LRRTM4: variants seen among roughly 807,000 people sequenced by gnomAD.
LRRTM4 encodes leucine-rich repeat transmembrane neuronal protein 4.
A neutral mutation model predicts 47.6 loss-of-function variants in LRRTM4; 25 were observed. The ratio of observed to expected loss-of-function variants is 0.53; its 90% CI spans 0.38 to 0.73. The LOEUF (loss-of-function observed/expected upper bound fraction) is 0.73, where lower values mean the gene tolerates loss of function less well. Ranked by LOEUF, LRRTM4 falls within the 30% of genes least tolerant of loss-of-function variation. The pLI is 0.00. For synonymous variants in LRRTM4, 311 were observed against 269.5 expected (o/e 1.15, Z -1.51); for missense variants, 638 against 713.4 (o/e 0.89, Z 1.20).
At chr2:76,780,949 C>A (rs866423555) in intron 3 of LRRTM4, among the ~76,000 whole-genome samples, 1 of 152,170 alleles carries the variant, frequency 6.6e-6, no homozygotes, top group East Asian at 1.9e-4. Context: ...GTGTGGATGT[C>A]CTTTCTGTTT....
chr2:77,090,156 G>A (rs1430477550), intron 3 of LRRTM4, among the ~76,000 whole-genome samples: 7 of 152,054 alleles, frequency 4.6e-5, no homozygotes, highest in African/African-American at 1.4e-4. Flanking sequence ...ACCTGGTCTG[G>A]CTTACAGTTT....
chr2:77,008,780 A>C (rs1558794663), intron 3 of LRRTM4, among the ~76,000 whole-genome samples: 4 of 152,194 alleles, frequency 2.6e-5, no homozygotes, highest in Admixed American at 2.0e-4. Flanking sequence ...ATTGTTTTCT[A>C]GGCCTGAAGG....
chr2:77,299,089 T>C (rs867136310), intron 3 of LRRTM4, among the ~76,000 whole-genome samples: 2 of 152,254 alleles, frequency 1.3e-5, no homozygotes, highest in East Asian at 3.9e-4. Flanking sequence ...GGGAGATTCC[T>C]TTCTGACCAA....
rs139925022 is a variant in LRRTM4 at position 77,431,978 on chromosome 2, G to A, written c.1551+86340C>T. Among the ~76,000 whole-genome samples the A allele has an allele frequency of 4.8e-3, 724 of 152,260 alleles. 4 individuals are homozygous for A. Among genetic ancestry groups the A allele is most frequent in the African/African-American group, 0.017 (688 of 41,534 alleles). On this transcript the variant is annotated intron_variant, in intron 3 of 3. Transcript: ENST00000409884. ...AGTCCCAGCTACTTGGGAGGCTGAAGCAGGAGAATCACTTGAACCTGGGAG... is the reference window on the plus strand; with the variant it reads ...AGTCCCAGCTACTTGGGAGGCTGAAACAGGAGAATCACTTGAACCTGGGAG...
chr2:76,885,422 G>A (rs1673042414), intron 3 of LRRTM4, among the ~76,000 whole-genome samples: 1 of 150,384 alleles, frequency 6.6e-6, no homozygotes, highest in African/African-American at 2.4e-5. Context: ...CAGGATTTGA[G>A]ATGACTGGTA....
At chr2:76,966,083 G>C (rs1676013975) in intron 3 of LRRTM4, among the ~76,000 whole-genome samples, 2 of 151,498 alleles carry the variant, frequency 1.3e-5, no homozygotes. Flanking sequence ...TCTATACTAG[G>C]ATAGACAAAG....
intron 3 of LRRTM4, among the ~76,000 whole-genome samples, chr2:77,346,132 C>T (rs770777027): frequency 5.9e-5 from 9 of 151,824 alleles, no homozygotes; most frequent in Admixed American, 1.3e-4. Context: ...TGTATGATTC[C>T]GTTATATGGC....
intron 3 of LRRTM4, among the ~76,000 whole-genome samples, chr2:77,448,509 T>C (rs1676138824): frequency 6.6e-6 from 1 of 152,214 alleles, no homozygotes; most frequent in Non-Finnish European, 1.5e-5. Flanking sequence ...AGTATCTTCA[T>C]TCATCTCTGC....
intron 3 of LRRTM4, among the ~76,000 whole-genome samples, chr2:76,812,859 A>G (rs946537697): frequency 2.0e-4 from 28 of 138,770 alleles, no homozygotes; most frequent in African/African-American, 7.5e-4. Context: ...AGTAAAGATG[A>G]TATTAATATT....
intron 3 of LRRTM4, among the ~76,000 whole-genome samples, chr2:76,898,770 T>A (rs1389978134): frequency 6.6e-6 from 1 of 151,176 alleles, no homozygotes. Flanking sequence ...AGAAGATATA[T>A]AAAATATAGT....
intron 3 of LRRTM4, among the ~76,000 whole-genome samples, chr2:77,355,264 AGT>A (rs1184145179): frequency 6.6e-6 from 1 of 152,174 alleles, no homozygotes; most frequent in East Asian, 1.9e-4. Context: ...AACAATTGAC[AGT>A]GTGTTTTTGA....
chr2:77,051,577 ATG>A (rs1418922366), intron 3 of LRRTM4, among the ~76,000 whole-genome samples: 2 of 152,152 alleles, frequency 1.3e-5, no homozygotes, highest in African/African-American at 2.4e-5. Flanking sequence ...ATCACTAGCC[ATG>A]TGTGTGAGTG....
At chr2:77,131,650 G>A (rs1048108264) in intron 3 of LRRTM4, among the ~76,000 whole-genome samples, 1 of 152,020 alleles carries the variant, frequency 6.6e-6, no homozygotes, top group African/African-American at 2.4e-5. Flanking sequence ...GGCTACTCTG[G>A]GGCTTTACAC....
At chr2:77,243,298 T>C (rs902123680) in intron 3 of LRRTM4, among the ~76,000 whole-genome samples, 8 of 151,620 alleles carry the variant, frequency 5.3e-5, no homozygotes, top group Non-Finnish European at 8.8e-5. Flanking sequence ...TAATCCCAGC[T>C]ACTCAGGAGG....
intron 3 of LRRTM4, among the ~76,000 whole-genome samples, chr2:76,816,393 G>C (rs553294290): frequency 2.0e-5 from 3 of 151,906 alleles, no homozygotes; most frequent in East Asian, 3.9e-4. Context: ...CTCATCACAA[G>C]TATCCAAATA....
chr2:77,125,936 G>GTATA (rs764932030), intron 3 of LRRTM4, among the ~76,000 whole-genome samples: 24 of 148,850 alleles, frequency 1.6e-4, no homozygotes, highest in Admixed American at 6.7e-4. Flanking sequence ...CTATGTATGT[G>GTATA]TATATATATA....
chr2:77,365,677 T>C (rs1672413112), intron 3 of LRRTM4, among the ~76,000 whole-genome samples: 1 of 151,586 alleles, frequency 6.6e-6, no homozygotes, highest in African/African-American at 2.4e-5. Context: ...CATTTTGGTT[T>C]AATAAACTTG....
intron 3 of LRRTM4, among the ~76,000 whole-genome samples, chr2:76,941,259 A>G (rs902899486): frequency 1.1e-4 from 16 of 152,332 alleles, no homozygotes; most frequent in African/African-American, 3.8e-4. Context: ...ATATTGAGTC[A>G]TATTTGATTA....
At chr2:77,134,674 G>T (rs1671885666) in intron 3 of LRRTM4, among the ~76,000 whole-genome samples, 1 of 151,706 alleles carries the variant, frequency 6.6e-6, no homozygotes, top group Non-Finnish European at 1.5e-5. Flanking sequence ...CCTGTCTATT[G>T]TTTCTGTAGA....
Sources: gnomAD v4.1 joint callset for allele counts (sites outside exome capture counted in the v4.1 genomes callset) on GRCh38, gnomAD v4.1.1 for gene constraint, MANE v1.5 for transcripts, NCBI Gene and HGNC (gene_info 2026-07-23, HGNC 2026-07-21) for gene names.